GNL3L: variants seen among roughly 807,000 people sequenced by gnomAD.
The protein encoded by GNL3L is guanine nucleotide-binding protein-like 3-like protein.
A neutral mutation model predicts 42.9 loss-of-function variants in GNL3L; 4 were observed. The ratio of observed to expected loss-of-function variants is 0.09; its 90% CI spans 0.05 to 0.21. The LOEUF is 0.21. Ranked by LOEUF, GNL3L falls within the 10% of genes least tolerant of loss-of-function variation. The pLI is 1.00. For synonymous variants in GNL3L, 159 were observed against 176.3 expected (o/e 0.90, Z 0.78); for missense variants, 412 against 481.7 (o/e 0.86, Z 1.36).
In GNL3L at chrX:54,567,153, A is replaced by G. The variant is rs999006885; in HGVS notation, c.*6551A>G. On this transcript the variant is annotated 3_prime_UTR_variant, in exon 16 of 16. Transcript: ENST00000360845. ...CTTTTTAAAAAAATATGGTTACCCA[A>G]TTTTTCTAGCAGTATGTGCTAAAAC... Among the ~76,000 whole-genome samples the G allele has an allele frequency of 2.7e-5, 3 of 111,886 alleles. No individual in the cohort carries two copies. The highest frequency in any genetic ancestry group is 5.6e-5 in the Non-Finnish European group (3 of 53,244).
chrX:54,579,281 G>A (rs753866316), intron 16 of GNL3L, among the ~76,000 whole-genome samples: 38 of 110,433 alleles, frequency 3.4e-4, no homozygotes, highest in Non-Finnish European at 6.6e-4. Flanking sequence ...AGAAATCTTC[G>A]CTTTACCTGA....
At chrX:54,613,870 G>A in intron 16 of GNL3L, among the ~76,000 whole-genome samples, 1 of 110,487 alleles carries the variant, frequency 9.1e-6, no homozygotes, top group South Asian at 3.9e-4. Flanking sequence ...TAGCTTTGTT[G>A]GTTTAATGCT....
At chrX:54,635,254 T>A in the GNL3L span, among the ~76,000 whole-genome samples, 1 of 112,114 alleles carries the variant, frequency 8.9e-6, no homozygotes, top group Non-Finnish European at 1.9e-5. Context: ...TGGTTCCTTT[T>A]TATGCTCTGT....
intron 1 of GNL3L, 37 bp from the exon 2 acceptor site, chrX:54,532,483 A>G (rs1731236093): frequency 2.6e-6 from 2 of 760,494 alleles, no homozygotes; most frequent in South Asian, 4.3e-5. Context: ...TGTGATTCCC[A>G]GCTGTCTTCA....
At chrX:54,597,570 C>T (rs1925945994) in intron 16 of GNL3L, among the ~76,000 whole-genome samples, 1 of 110,576 alleles carries the variant, frequency 9.0e-6, no homozygotes, top group Admixed American at 9.6e-5. Context: ...AGGTCCTGTG[C>T]CCCCCCGCCC....
At position 54,586,270 on chromosome X, in the gene GNL3L, G is replaced by A. The variant is rs187913018; in HGVS notation, c.*45+25623G>A. Among the ~76,000 whole-genome samples, 511 of 110,975 alleles carry A rather than the reference G, an allele frequency of 4.6e-3. 2 individuals are homozygous for A. Among genetic ancestry groups the A allele is most frequent in the African/African-American group, 0.015 (463 of 30,588 alleles). On this transcript the variant is annotated intron_variant, in intron 16 of 16. Coordinates refer to the GNL3L transcript ENST00000674498. ...CTCCTACAATCCTAGCTATGGGAGA[G>A]CCCCTTGACCCTTATGGGCCCTGAG...
Position 54,561,690 on chromosome X carries a change from A to G in GNL3L, c.*1088A>G, listed in dbSNP as rs1925276507. 1.8e-5 allele frequency among the ~76,000 whole-genome samples: 2 copies of G among 112,166 alleles called. No homozygotes were observed. Among genetic ancestry groups the G allele is most frequent in the South Asian group, 7.4e-4 (2 of 2,720 alleles). ...GTGTGACCATGTCTCCTATTGCACC[A>G]GCATTTGAATTCCATGGCTCAAGAG... On this transcript the variant is annotated 3_prime_UTR_variant, in exon 16 of 16. Coordinates refer to ENST00000360845, the MANE Select transcript of GNL3L (RefSeq NM_001184819.2).
At chrX:54,570,721 A>G (rs1185083088), downstream of GNL3L, among the ~76,000 whole-genome samples, 2 of 108,083 alleles carry the variant, frequency 1.9e-5, no homozygotes, top group Non-Finnish European at 3.8e-5. Flanking sequence ...TTGTTTTATT[A>G]TCTTAGTAGT....
In GNL3L at chrX:54,562,252, A is replaced by C. The variant is rs2147499353; in HGVS notation, c.*1650A>C. ...GTAGAGACGATGTTTCACCATGTTGACCAGGCTGGTCTCGAACTCTTGACC... is the reference window on the plus strand; with the variant it reads ...GTAGAGACGATGTTTCACCATGTTGCCCAGGCTGGTCTCGAACTCTTGACC... On this transcript the variant is annotated 3_prime_UTR_variant, in exon 16 of 16. Transcript: ENST00000360845. Among the ~76,000 whole-genome samples the C allele has an allele frequency of 8.9e-6, 1 of 111,853 alleles. No homozygotes were observed. Among genetic ancestry groups the C allele is most frequent in the South Asian group, 3.7e-4 (1 of 2,677 alleles).
At chrX:54,558,691 G>A (rs1181146224) in intron 15 of GNL3L, 36 bp downstream of exon 15, 1 of 997,495 alleles carries the variant, frequency 1.0e-6, no homozygotes, top group Non-Finnish European at 1.4e-6. Context: ...CTCTGAAAGG[G>A]GCCCACATGG....
In GNL3L at chrX:54,539,090, C is replaced by T. The variant is rs1038659459; in HGVS notation, c.70C>T (p.Pro24Ser). 8.9e-7 allele frequency: 1 copy of T among 1,125,844 alleles called. No homozygotes were observed. Among genetic ancestry groups the T allele is most frequent in the Middle Eastern group, 2.5e-4 (1 of 4,058 alleles). 92.8% of individuals were successfully genotyped at this position (1,125,844 alleles called of 1,213,427 possible). Reference sequence around the variant, plus strand: ...CAAGGGCCACAAGAAGATAAGTTGGCCCTACCCTCAGGTAAGGTATGCCTG... The same window carrying T: ...CAAGGGCCACAAGAAGATAAGTTGGTCCTACCCTCAGGTAAGGTATGCCTG... ...GSKGHKKISWPYPQPAKQNGK... is the reference protein window; with the variant it reads ...GSKGHKKISWSYPQPAKQNGK... The change falls in exon 3 of 16, where the codon CCC becomes TCC. Residue 24 changes from proline to serine, a missense_variant. By Grantham distance (74) the Pro-to-Ser change is moderately conservative (BLOSUM62 -1). Coordinates refer to ENST00000360845, the MANE Select transcript of GNL3L (RefSeq NM_001184819.2).
At chrX:54,541,418 G>T in intron 5 of GNL3L, 29 bp downstream of exon 5, 2 of 969,719 alleles carry the variant, frequency 2.1e-6, no homozygotes, top group Non-Finnish European at 2.9e-6. Flanking sequence ...CCCCTGGGTA[G>T]GTTTGCTCAA....
chrX:54,560,395 C>T (rs1051637798), intron 15 of GNL3L, 125 bp from the exon 16 acceptor site: 9 of 478,741 alleles, frequency 1.9e-5, no homozygotes, highest in African/African-American at 4.7e-5. Flanking sequence ...TTTGTGGTAG[C>T]GTTTGGGGGT....
chrX:54,600,294 T>C (rs1221931692), intron 16 of GNL3L, among the ~76,000 whole-genome samples: 1 of 98,371 alleles, frequency 1.0e-5, no homozygotes, highest in Non-Finnish European at 2.0e-5. Context: ...TGGCGTGATC[T>C]TGGCTCAGTG....
At position 54,599,913 on chromosome X, in the gene GNL3L, C is replaced by G. The variant is rs895958177; in HGVS notation, c.*46-20932C>G. ...TATTCTAAAATTTCCATTTTCTTCT[C>G]TTCATATCTTCTATTTATTTGTAGA... On this transcript the variant is annotated intron_variant, in intron 16 of 16. Transcript: ENST00000674498. 9.1e-5 allele frequency among the ~76,000 whole-genome samples: 10 copies of G among 110,452 alleles called. No individual in the cohort carries two copies. In the South Asian group the frequency reaches 2.6e-3, roughly 29 times the overall value.
Position 54,613,611 on chromosome X carries a change from A to G in GNL3L, c.*46-7234A>G, listed in dbSNP as rs779941240. Among the ~76,000 whole-genome samples, 41 of 111,079 alleles carry G rather than the reference A, an allele frequency of 3.7e-4. 1 individual carries two copies. The highest frequency in any genetic ancestry group is 2.0e-4 in the African/African-American group (6 of 30,557). ...GGCTGAAGGGATGTTCCCTTGATGT[A>G]GTAGTCTCCCCCTTTTCCTATGGAT... On this transcript the variant is annotated intron_variant, in intron 16 of 16. Coordinates refer to the GNL3L transcript ENST00000674498.
chrX:54,639,529 G>C, the GNL3L span, among the ~76,000 whole-genome samples: 4 of 112,010 alleles, frequency 3.6e-5, no homozygotes, highest in African/African-American at 9.7e-5. Context: ...AGTCGGAAAG[G>C]GGCGTTATCT....
intron 14 of GNL3L, among the ~76,000 whole-genome samples, chrX:54,556,573 C>G (rs961965651): frequency 6.3e-5 from 7 of 110,997 alleles, no homozygotes; most frequent in Admixed American, 5.7e-4. Context: ...TGGTCCAGGA[C>G]CCAGCCATGT....
intron 16 of GNL3L, among the ~76,000 whole-genome samples, chrX:54,595,289 G>C (rs188961236): frequency 9.1e-6 from 1 of 109,862 alleles, no homozygotes; most frequent in Non-Finnish European, 1.9e-5. Context: ...TTTTTTTTCC[G>C]CTGGATATGC....
Sources: gnomAD v4.1 joint callset for allele counts (sites outside exome capture counted in the v4.1 genomes callset) on GRCh38, gnomAD v4.1.1 for gene constraint, MANE v1.5 for transcripts, NCBI Gene and HGNC (gene_info 2026-07-23, HGNC 2026-07-21) for gene names.